The following TUBGCP6 variants were observed in gnomAD, a reference collection of about 807,000 sequenced individuals.
TUBGCP6 encodes the protein tubulin gamma complex component 6, also known as gamma-tubulin complex component 6.
Under a neutral mutation model 175.8 loss-of-function variants are expected in TUBGCP6, and 161 were observed. The observed-to-expected ratio is 0.92, with a 90% confidence interval of 0.81 to 1.04. The LOEUF (loss-of-function observed/expected upper bound fraction) is 1.04, where lower values mean the gene tolerates loss of function less well. Among genes scored for constraint, TUBGCP6 ranks in the 50% least tolerant of loss-of-function variants. TUBGCP6 has a pLI of 0.00. For synonymous variants in TUBGCP6, 1,173 were observed against 1,030.5 expected (o/e 1.14, Z -2.65); for missense variants, 2,572 against 2,433.0 (o/e 1.06, Z -1.20).
chr22:50,231,413 C>CA (rs2064689309), intron 3 of TUBGCP6, among the ~76,000 whole-genome samples: 1 of 151,598 alleles, frequency 6.6e-6, no homozygotes, highest in Non-Finnish European at 1.5e-5. Context: ...GAGATCACAC[C>CA]ACTGCACTCC....
chr22:50,242,004 A>AG lies in TUBGCP6; in HGVS notation c.742-1638_742-1637insC, dbSNP rs1284815619. 3.6e-3 allele frequency among the ~76,000 whole-genome samples: 490 copies of AG among 135,970 alleles called. 2 individuals are homozygous for AG. Among genetic ancestry groups the AG allele is most frequent in the African/African-American group, 0.012 (462 of 38,586 alleles). The allele number at this position is 135,970 out of a possible 152,430, so 89.2% of individuals were successfully genotyped here. Reference sequence around the variant, plus strand: ...ATCTCAAAAAAAAAAAAAAAAAAAAAAAAAAGAACAATCAGGCCGGGCTCA... The same window carrying AG: ...ATCTCAAAAAAAAAAAAAAAAAAAAAGAAAAAGAACAATCAGGCCGGGCTCA... On this transcript the variant is annotated intron_variant, in intron 1 of 24. Transcript: ENST00000248846.
rs1251148873 is a variant in TUBGCP6 at position 50,221,428 on chromosome 22, CA to C, written c.2930del (p.Leu977TrpfsTer67). On this transcript the variant is annotated frameshift_variant, in exon 16 of 25. Coordinates refer to ENST00000248846, the MANE Select transcript of TUBGCP6 (RefSeq NM_020461.4). LOFTEE classifies it high-confidence loss of function. ...CCCACAGCTGTAGCCCTGAGCTGCC[CA>C]AGCTGCACTCTGCAGCCTGCAGGGG... ...PGPLQAAECS[L>X]GSSGLQLWED... is the part of the protein sequence containing the mutation. The C allele has an allele frequency of 6.2e-7, 1 of 1,600,902 alleles. No homozygotes were observed. The highest frequency in any genetic ancestry group is 2.2e-5 in the East Asian group (1 of 44,464).
In TUBGCP6 at chr22:50,218,503, G is replaced by A. The variant is rs533827285; in HGVS notation, c.4939C>T (p.His1647Tyr). The A allele has an allele frequency of 1.2e-5, 20 of 1,613,616 alleles. No individual in the cohort carries two copies. In the African/African-American group the frequency reaches 2.3e-4, roughly 18 times the overall value. Reference sequence around the variant, plus strand: ...GGGGCCTCACCTGTGCGCTTGAGGTGGAAGCAGACGTCCTTGAGCGCCCAC... The same window carrying A: ...GGGGCCTCACCTGTGCGCTTGAGGTAGAAGCAGACGTCCTTGAGCGCCCAC... ...MMWALKDVCF[H>Y]LKRTALLSHM... Residue 1647 changes from histidine (H) to tyrosine (Y), a missense_variant, in exon 22 of 25, where the codon CAC (histidine) becomes TAC (tyrosine). Transcript: ENST00000248846.
chr22:50,236,461 C>T (rs962004176), intron 2 of TUBGCP6, among the ~76,000 whole-genome samples: 3 of 152,180 alleles, frequency 2.0e-5, no homozygotes, highest in Non-Finnish European at 4.4e-5. Flanking sequence ...AAGACAGTAA[C>T]AGGTAAGGTG....
In TUBGCP6 at chr22:50,233,500, T is replaced by TG; in HGVS notation, c.931_932insC (p.Tyr311SerfsTer256). ...AGCGTCCCTTCCCGCCTCCGTCAGG[T>TG]AAGGCTCCTCTCTGTGGCCAGGGGG... On this transcript the variant is annotated frameshift_variant, in exon 3 of 25. Coordinates refer to ENST00000248846, the MANE Select transcript of TUBGCP6 (RefSeq NM_020461.4). LOFTEE classifies it high-confidence loss of function. 6.2e-7 allele frequency: 1 copy of TG among 1,608,710 alleles called. No individual in the cohort carries two copies. The highest frequency in any genetic ancestry group is 8.5e-7 in the Non-Finnish European group (1 of 1,177,782).
In TUBGCP6 at chr22:50,217,943, CT is replaced by C; in HGVS notation, c.5342del (p.Lys1781SerfsTer11). On this transcript the variant is annotated frameshift_variant, in exon 24 of 25. Coordinates refer to ENST00000248846, the MANE Select transcript of TUBGCP6 (RefSeq NM_020461.4). LOFTEE classifies it high-confidence loss of function. ...CTTTGAAGAGAAAGTGGGAGTAGTA[CT>C]TGAAGGTGTTGTAGGACTGCTGCAT... ...ALMQQSYNTF[K>X]YYSHFLFKVV... is the part of the protein sequence containing the mutation. 1 of 1,608,882 alleles carries C rather than the reference CT, an allele frequency of 6.2e-7. No homozygotes were observed. Among genetic ancestry groups the C allele is most frequent in the Non-Finnish European group, 8.5e-7 (1 of 1,177,266 alleles).
chr22:50,232,521 T>C (rs1381892172), intron 3 of TUBGCP6, among the ~76,000 whole-genome samples: 1 of 151,614 alleles, frequency 6.6e-6, no homozygotes, highest in Non-Finnish European at 1.5e-5. Flanking sequence ...ATGGTGCCAC[T>C]GCACTCCAGC....
At position 50,244,618 on chromosome 22, in the gene TUBGCP6, T is replaced by G. The variant is rs751333690; in HGVS notation, c.-159A>C. ...CAGAACTGGTATTTTTTAAAGGAGGTCTTGCGGTTGCTCTACTCAGAGTAA... is the reference window on the plus strand; with the variant it reads ...CAGAACTGGTATTTTTTAAAGGAGGGCTTGCGGTTGCTCTACTCAGAGTAA... On this transcript the variant is annotated 5_prime_UTR_variant, in exon 1 of 25. Transcript: ENST00000248846. The G allele has an allele frequency of 4.0e-4, 503 of 1,268,006 alleles. 4 individuals carry two copies. Among genetic ancestry groups the G allele is most frequent in the Middle Eastern group, 2.8e-4 (1 of 3,574 alleles). The allele number at this position is 1,268,006 out of a possible 1,614,324, so 78.5% of individuals were successfully genotyped here.
chr22:50,221,496 T>C lies in TUBGCP6; in HGVS notation c.2863A>G (p.Thr955Ala), dbSNP rs754959165. 5.4e-5 allele frequency: 85 copies of C among 1,587,398 alleles called. No homozygotes were observed. The highest frequency in any genetic ancestry group is 1.3e-4 in the Admixed American group (7 of 55,684). Reference sequence around the variant, plus strand: ...GTGGCCACAGCTGGCCTCAGGACAGTACTAAAGTCGTACTCCTGTGGCCTG... The same window carrying C: ...GTGGCCACAGCTGGCCTCAGGACAGCACTAAAGTCGTACTCCTGTGGCCTG... ...PSRPQEYDFS[T>A]VLRPAVATSP... Residue 955 changes from threonine to alanine, a missense_variant, in exon 16 of 25, where the codon ACT (threonine) becomes GCT (alanine). Physicochemically the swap from Thr to Ala is moderately conservative, Grantham distance 58 (BLOSUM62 0). Coordinates refer to ENST00000248846, the MANE Select transcript of TUBGCP6 (RefSeq NM_020461.4).
Position 50,226,767 on chromosome 22 carries a change from A to T in TUBGCP6, c.1567T>A (p.Ser523Thr). Residue 523 changes from serine to threonine, a missense_variant, in exon 7 of 25, where the codon TCC becomes ACC. Physicochemically the swap from Ser to Thr is moderately conservative, Grantham distance 58. Transcript: ENST00000248846. ...CSNEHYPVLL[S>T]LLKTSCEPYT... ...GGCTCGCAGCTGGTCTTCAGCAGGG[A>T]CAGCAGTACAGGGTAGTGCTCGTTG... 1 of 1,593,412 alleles carries T rather than the reference A, an allele frequency of 6.3e-7. No individual in the cohort carries two copies. Among genetic ancestry groups the T allele is most frequent in the Non-Finnish European group, 8.5e-7 (1 of 1,170,958 alleles).
Position 50,238,536 on chromosome 22 carries a change from T to TC in TUBGCP6, c.905+1667_905+1668insG, listed in dbSNP as rs1300557081. On this transcript the variant is annotated intron_variant, in intron 2 of 24. Transcript: ENST00000248846. ...AAGCAATAACTTGTAGGGCCAGTTT[T>TC]TTTTTTTGTTTTTTTTTTTGAGACG... 1.9e-4 allele frequency among the ~76,000 whole-genome samples: 15 copies of TC among 77,976 alleles called. 1 individual carries two copies. The highest frequency in any genetic ancestry group is 1.1e-3 in the African/African-American group (15 of 13,352). The allele number at this position is 77,976 out of a possible 152,430, so 51.2% of individuals were successfully genotyped here.
chr22:50,243,849 T>A lies in TUBGCP6; in HGVS notation c.611A>T (p.Asp204Val). 1 of 1,613,692 alleles carries A rather than the reference T, an allele frequency of 6.2e-7. No individual in the cohort carries two copies. The highest frequency in any genetic ancestry group is 1.3e-5 in the African/African-American group (1 of 74,972). Residue 204 changes from aspartate to valine, a missense_variant, in exon 1 of 25, where the codon GAC becomes GTC. Asp to Val is a radical substitution (Grantham distance 152). Transcript: ENST00000248846. The stretch of plus-strand genomic sequence containing the variant: ...GACCCGGGTGTCTCTCTCGAACCTG[T>A]CACCACAAGGGTCACCAAATGAGAA... ...GLFSFGDPCG[D>V]RFERDTRVSL...
At position 50,224,331 on chromosome 22, in the gene TUBGCP6, C is replaced by CCT; in HGVS notation, c.2153_2154dup (p.Arg719SerfsTer28). On this transcript the variant is annotated frameshift_variant and splice_region_variant. Coordinates refer to ENST00000248846, the MANE Select transcript of TUBGCP6 (RefSeq NM_020461.4). LOFTEE classifies it high-confidence loss of function. ...ACCCCGCAGGGACAGGTCCTACCCACCTCCTGGTCCTTCACAAATTGTTCT... is the reference window on the plus strand; with the variant it reads ...ACCCCGCAGGGACAGGTCCTACCCACCTCTCCTGGTCCTTCACAAATTGTTCT... 1 of 1,614,248 alleles carries CCT rather than the reference C, an allele frequency of 6.2e-7. No homozygotes were observed.
intron 5 of TUBGCP6, among the ~76,000 whole-genome samples, 178 bp from the exon 6 acceptor site, chr22:50,227,255 T>G (rs1266531517): frequency 6.6e-6 from 1 of 151,688 alleles, no homozygotes; most frequent in Non-Finnish European, 1.5e-5. Flanking sequence ...GCAGGACTCG[T>G]GTGCAGCCCT....
chr22:50,240,114 G>T, intron 2 of TUBGCP6, 90 bp downstream of exon 2: 1 of 1,555,418 alleles, frequency 6.4e-7, no homozygotes, highest in Non-Finnish European at 8.7e-7. Flanking sequence ...CTGGACCCCT[G>T]AGTACACAAC....
At chr22:50,238,041 G>C (rs564871972) in intron 2 of TUBGCP6, among the ~76,000 whole-genome samples, 1 of 152,130 alleles carries the variant, frequency 6.6e-6, no homozygotes, top group African/African-American at 2.4e-5. Context: ...GCTGAGGCAG[G>C]AGAATCGCTT....
chr22:50,239,738 T>C, intron 2 of TUBGCP6, among the ~76,000 whole-genome samples: 1 of 152,178 alleles, frequency 6.6e-6, no homozygotes, highest in East Asian at 1.9e-4. Flanking sequence ...CCAATTCCTC[T>C]AGACATGAAT....
In TUBGCP6 at chr22:50,226,368, C is replaced by G; in HGVS notation, c.1612G>C (p.Asp538His). Residue 538 changes from aspartate (D) to histidine (H), a missense_variant, in exon 8 of 25, where the codon GAC becomes CAC. Coordinates refer to ENST00000248846, the MANE Select transcript of TUBGCP6 (RefSeq NM_020461.4). The stretch of plus-strand genomic sequence containing the variant: ...CTGAACACCCCGCTGTACACCCAGT[C>G]GTGGATGAACCTGCAGTGGGGGAAA... ...SCEPYTRFIHDWVYSGVFRDA... is the reference protein window; with the variant it reads ...SCEPYTRFIHHWVYSGVFRDA... The G allele has an allele frequency of 6.2e-7, 1 of 1,608,004 alleles. No individual in the cohort carries two copies. The highest frequency in any genetic ancestry group is 8.5e-7 in the Non-Finnish European group (1 of 1,177,356).
rs775181111 is a variant in TUBGCP6 at position 50,217,704 on chromosome 22, C to G, written c.*32G>C. 1.2e-5 allele frequency: 19 copies of G among 1,603,600 alleles called. No individual in the cohort carries two copies. The Admixed American group carries it at 1.4e-4, about 11-fold the overall frequency. On this transcript the variant is annotated 3_prime_UTR_variant, in exon 25 of 25. Coordinates refer to ENST00000248846, the MANE Select transcript of TUBGCP6 (RefSeq NM_020461.4). ...GAGCTGCAGACAGGGTCCGAGAACACCTTTATTGTGCACGTCCCCCGCAGA... is the reference window on the plus strand; with the variant it reads ...GAGCTGCAGACAGGGTCCGAGAACAGCTTTATTGTGCACGTCCCCCGCAGA...
Sources: gnomAD v4.1 joint callset for allele counts (sites outside exome capture counted in the v4.1 genomes callset) on GRCh38, gnomAD v4.1.1 for gene constraint, MANE v1.5 for transcripts, NCBI Gene and HGNC (gene_info 2026-07-23, HGNC 2026-07-21) for gene names.